The following CPQ variants were observed in gnomAD, a reference collection of about 807,000 sequenced individuals.
CPQ encodes the protein Ser-Met dipeptidase.
In CPQ, 37 loss-of-function variants were observed where a neutral mutation model predicts 45.7. The observed-to-expected ratio is 0.81, with a 90% CI of 0.62 to 1.07. The LOEUF (loss-of-function observed/expected upper bound fraction) is 1.07, where lower values mean the gene tolerates loss of function less well. Among genes scored for constraint, CPQ ranks in the 50% least tolerant of loss-of-function variants. The pLI is 0.00. For synonymous variants in CPQ, 186 were observed against 205.8 expected (o/e 0.90, Z 0.82); for missense variants, 537 against 572.9 (o/e 0.94, Z 0.64).
At chr8:96,732,894 A>G (rs1809930211) in intron 1 of CPQ, among the ~76,000 whole-genome samples, 1 of 152,190 alleles carries the variant, frequency 6.6e-6, no homozygotes, top group South Asian at 2.1e-4. Context: ...ATTCTGAAGA[A>G]AATTTCTATT....
chr8:96,926,461 A>G (rs1318652580), intron 4 of CPQ, among the ~76,000 whole-genome samples: 1 of 152,122 alleles, frequency 6.6e-6, no homozygotes, highest in East Asian at 1.9e-4. Flanking sequence ...TGTATTGGAC[A>G]CTGGGCTACC....
chr8:96,715,526 C>T (rs912076982), intron 1 of CPQ, among the ~76,000 whole-genome samples: 6 of 152,264 alleles, frequency 3.9e-5, no homozygotes, highest in Admixed American at 1.3e-4. Flanking sequence ...TGTACCCACA[C>T]GAAGCTCCCA....
chr8:96,921,527 A>G (rs1241271890), intron 4 of CPQ, among the ~76,000 whole-genome samples: 2 of 152,296 alleles, frequency 1.3e-5, no homozygotes, highest in Middle Eastern at 3.4e-3. Flanking sequence ...TCATTCCACA[A>G]ATATATACTG....
chr8:96,748,562 T>TA (rs916035362), intron 1 of CPQ, among the ~76,000 whole-genome samples: 51 of 151,498 alleles, frequency 3.4e-4, no homozygotes, highest in Admixed American at 9.9e-4. Context: ...TTATTAATAA[T>TA]AAAAAAAAAC....
chr8:97,089,442 C>T (rs764335249), intron 7 of CPQ, among the ~76,000 whole-genome samples: 9 of 152,084 alleles, frequency 5.9e-5, no homozygotes, highest in Non-Finnish European at 1.2e-4. Context: ...CCCTTCGAGA[C>T]CAGAGCTACA....
At chr8:97,029,336 C>T in intron 5 of CPQ, 67 bp from the exon 6 acceptor site, 2 of 1,451,476 alleles carry the variant, frequency 1.4e-6, no homozygotes, top group Non-Finnish European at 1.9e-6. Flanking sequence ...GATGAGGGAC[C>T]CTGCCATTTT....
chr8:96,691,196 C>A (rs1259960804), intron 1 of CPQ, among the ~76,000 whole-genome samples: 1 of 152,166 alleles, frequency 6.6e-6, no homozygotes, highest in Non-Finnish European at 1.5e-5. Flanking sequence ...TTCTTCCTTG[C>A]CTCTTCCAGG....
Position 96,689,100 on chromosome 8 carries a change from T to C in CPQ, c.-35+43698T>C, listed in dbSNP as rs181709619. ...AAACAAATGTCTGCTCATGACTCAT[T>C]GGACAGAATTGAATCACATGTTCAT... On this transcript the variant is annotated intron_variant, in intron 1 of 7. Transcript: ENST00000220763. Among the ~76,000 whole-genome samples the C allele has an allele frequency of 2.0e-5, 3 of 152,326 alleles. No homozygotes were observed. The East Asian group carries it at 5.8e-4, about 29-fold the overall frequency.
At chr8:97,092,642 C>T (rs1178688018) in intron 7 of CPQ, 1 of 152,132 alleles carries the variant, frequency 6.6e-6, no homozygotes, top group African/African-American at 2.4e-5. Context: ...AAACTGGACT[C>T]CTTCCTCTCA....
At chr8:96,839,860 G>C (rs7844625) in intron 3 of CPQ, among the ~76,000 whole-genome samples, 147 of 152,302 alleles carry the variant, frequency 9.7e-4, no homozygotes, top group African/African-American at 3.4e-3. Flanking sequence ...GGGTTAAAGA[G>C]TTTGTCTCAA....
At chr8:96,862,717 G>C (rs1440786527) in intron 3 of CPQ, among the ~76,000 whole-genome samples, 2 of 152,022 alleles carry the variant, frequency 1.3e-5, no homozygotes. Flanking sequence ...TAAAAACCCT[G>C]ATTTTTAGCT....
chr8:96,942,768 G>C (rs972363337), intron 4 of CPQ, among the ~76,000 whole-genome samples: 1 of 152,140 alleles, frequency 6.6e-6, no homozygotes, highest in Non-Finnish European at 1.5e-5. Context: ...CTAGATCTGG[G>C]GCGGGACCCA....
At chr8:97,037,922 T>C (rs746622743) in intron 6 of CPQ, among the ~76,000 whole-genome samples, 10 of 152,226 alleles carry the variant, frequency 6.6e-5, no homozygotes, top group African/African-American at 9.7e-5. Flanking sequence ...GCTTTATCGC[T>C]CTTTAGAAGG....
At chr8:97,112,521 A>G (rs1586546976) in intron 7 of CPQ, among the ~76,000 whole-genome samples, 1 of 152,188 alleles carries the variant, frequency 6.6e-6, no homozygotes, top group African/African-American at 2.4e-5. Flanking sequence ...AGTGGCAGGT[A>G]TGAGAGGGAG....
At chr8:96,878,058 G>A (rs984660701) in intron 3 of CPQ, among the ~76,000 whole-genome samples, 2 of 152,122 alleles carry the variant, frequency 1.3e-5, no homozygotes, top group Non-Finnish European at 2.9e-5. Flanking sequence ...CACCTCCTGG[G>A]TTCAAGTGAT....
At chr8:96,818,383 T>C (rs780363787) in intron 2 of CPQ, among the ~76,000 whole-genome samples, 1 of 151,864 alleles carries the variant, frequency 6.6e-6, no homozygotes, top group Non-Finnish European at 1.5e-5. Flanking sequence ...TCATAACAGA[T>C]ATAGTAAAAA....
chr8:97,006,933 T>C (rs966652396), intron 5 of CPQ, among the ~76,000 whole-genome samples: 1 of 152,202 alleles, frequency 6.6e-6, no homozygotes, highest in African/African-American at 2.4e-5. Context: ...AGAGATTCTT[T>C]TTTGGTTTGG....
chr8:96,985,304 T>C (rs185946241), intron 5 of CPQ, among the ~76,000 whole-genome samples: 1 of 152,090 alleles, frequency 6.6e-6, no homozygotes, highest in East Asian at 1.9e-4. Context: ...CATAAGCTAT[T>C]ATTGCCTCAA....
chr8:97,046,452 C>T (rs535367830), intron 6 of CPQ, among the ~76,000 whole-genome samples: 2 of 152,122 alleles, frequency 1.3e-5, no homozygotes, highest in South Asian at 4.2e-4. Flanking sequence ...GCTTTTATAC[C>T]CCACACAGCA....
Sources: gnomAD v4.1 joint callset for allele counts (sites outside exome capture counted in the v4.1 genomes callset) on GRCh38, gnomAD v4.1.1 for gene constraint, MANE v1.5 for transcripts, NCBI Gene and HGNC (gene_info 2026-07-23, HGNC 2026-07-21) for gene names.